XKR4: variants seen among roughly 807,000 people sequenced by gnomAD.
The protein encoded by XKR4 is XK related 4.
A neutral mutation model predicts 53.9 loss-of-function variants in XKR4; 12 were observed. The observed-to-expected ratio is 0.22, with a 90% CI of 0.14 to 0.36. XKR4 has a LOEUF of 0.36. XKR4 is among the 10% of genes least tolerant of loss of function. The probability of loss-of-function intolerance (pLI) is 1.00; values close to 1 mark genes in which losing one functional copy is unlikely to be tolerated. For synonymous variants in XKR4, 354 were observed against 362.4 expected, an observed-to-expected ratio of 0.98 and a Z score of 0.26; for missense variants, 799 against 859.5, an observed-to-expected ratio of 0.93 and a Z score of 0.88.
intron 1 of XKR4, among the ~76,000 whole-genome samples, chr8:55,205,905 C>T (rs147610882): frequency 0.011 from 1,729 of 152,270 alleles, 22 homozygotes; most frequent in Middle Eastern, 0.051. Context: ...TTTGTTCCTT[C>T]AGATGTTCAG....
At chr8:55,253,591 A>G (rs975068994) in intron 1 of XKR4, among the ~76,000 whole-genome samples, 86 of 152,346 alleles carry the variant, frequency 5.6e-4, no homozygotes, top group African/African-American at 1.9e-3. Flanking sequence ...TTAAGGATTT[A>G]TGATGAACTT....
At chr8:55,482,511 C>T (rs914383452) in intron 2 of XKR4, among the ~76,000 whole-genome samples, 1 of 151,858 alleles carries the variant, frequency 6.6e-6, no homozygotes, top group East Asian at 1.9e-4. Flanking sequence ...CAAACCTGCA[C>T]ATTGTGCACA....
rs369324943 is a variant in XKR4, at chr8:55,467,593, T to G, written c.1007-55688T>G. Among the ~76,000 whole-genome samples, 50 of 152,246 alleles carry G rather than the reference T, an allele frequency of 3.3e-4. 1 individual carries two copies. The highest frequency in any genetic ancestry group is 1.2e-3 in the African/African-American group (50 of 41,506). ...TTATGATTTAAATTGCCAGATTTTC[T>G]GAAGAACGTTTATACTCCACCGGTA... is the stretch of plus-strand genomic sequence containing the variant. On this transcript the variant is annotated intron_variant, in intron 2 of 2. Transcript: ENST00000327381.
At chr8:55,110,974 C>G (rs964311795) in intron 1 of XKR4, among the ~76,000 whole-genome samples, 4 of 152,004 alleles carry the variant, frequency 2.6e-5, no homozygotes, top group African/African-American at 9.7e-5. Flanking sequence ...AAAGGAAAAT[C>G]CCTGAGGTGG....
At chr8:55,470,554 T>C (rs1324255110) in intron 2 of XKR4, among the ~76,000 whole-genome samples, 1 of 152,162 alleles carries the variant, frequency 6.6e-6, no homozygotes, top group African/African-American at 2.4e-5. Flanking sequence ...TAAACCTCTT[T>C]CTTCTTACGT....
chr8:55,460,921 C>T (rs74186835), intron 2 of XKR4, among the ~76,000 whole-genome samples: 27 of 152,314 alleles, frequency 1.8e-4, no homozygotes, highest in Non-Finnish European at 2.9e-4. Flanking sequence ...AAGGTGGCAG[C>T]GAGGCTGGGG....
At chr8:55,228,593 A>G (rs2129366501) in intron 1 of XKR4, among the ~76,000 whole-genome samples, 1 of 152,330 alleles carries the variant, frequency 6.6e-6, no homozygotes, top group South Asian at 2.1e-4. Context: ...AAAAAAATCA[A>G]TGTAATGTTA....
chr8:55,153,129 A>T (rs1816861412), intron 1 of XKR4, among the ~76,000 whole-genome samples: 1 of 152,178 alleles, frequency 6.6e-6, no homozygotes. Flanking sequence ...TCCAGACTCA[A>T]GGTCCACACT....
chr8:55,438,207 A>G (rs1805206419), intron 2 of XKR4, among the ~76,000 whole-genome samples: 1 of 152,210 alleles, frequency 6.6e-6, no homozygotes, highest in Admixed American at 6.5e-5. Context: ...AGAGAAATGC[A>G]CTGAAATAGC....
At position 55,494,383 on chromosome 8, in the gene XKR4, C is replaced by G; in HGVS notation, c.1007-28898C>G. On this transcript the variant is annotated intron_variant, in intron 2 of 2. Coordinates refer to ENST00000327381, the MANE Select transcript of XKR4 (RefSeq NM_052898.2). ...AGAGCCACAGCTCTCCTCTTCTTTT[C>G]TTCACCCACAACATGGCAAGCAAGA... is the stretch of plus-strand genomic sequence containing the variant. Among the ~76,000 whole-genome samples, 2 of 152,252 alleles carry G rather than the reference C, an allele frequency of 1.3e-5. 1 individual carries two copies. Among genetic ancestry groups the G allele is most frequent in the Non-Finnish European group, 2.9e-5 (2 of 68,042 alleles).
chr8:55,491,625 G>GTTT (rs1554530562), intron 2 of XKR4, among the ~76,000 whole-genome samples: 6 of 149,776 alleles, frequency 4.0e-5, no homozygotes, highest in Non-Finnish European at 8.9e-5. Context: ...TGTCTTTGGG[G>GTTT]GTTTGTTTGT....
intron 2 of XKR4, among the ~76,000 whole-genome samples, chr8:55,369,402 GAGGGAAAGGAAGGGAAGGGAAAGGA>G (rs1804039382): frequency 2.3e-5 from 1 of 44,428 alleles, no homozygotes; most frequent in African/African-American, 1.0e-4. Context: ...GAGGGGAGGG[GAGGGAAAGGAAGGGAAGGGAAAGGA>G]AGGGAAGGGA....
intron 1 of XKR4, among the ~76,000 whole-genome samples, chr8:55,308,875 T>C (rs1819348940): frequency 6.6e-6 from 1 of 152,224 alleles, no homozygotes; most frequent in African/African-American, 2.4e-5. Context: ...GAATTAAGAT[T>C]GCTTATCAGC....
intron 1 of XKR4, among the ~76,000 whole-genome samples, chr8:55,271,914 A>G (rs534727718): frequency 3.3e-5 from 5 of 152,316 alleles, no homozygotes; most frequent in African/African-American, 1.2e-4. Flanking sequence ...TGCTTATTGT[A>G]TATAAAGGGA....
chr8:55,468,897 C>T (rs1805828216), intron 2 of XKR4, among the ~76,000 whole-genome samples: 2 of 152,122 alleles, frequency 1.3e-5, no homozygotes, highest in African/African-American at 4.8e-5. Flanking sequence ...TTTTCAGATT[C>T]TGACTATGCA....
At chr8:55,424,457 AG>A (rs1804982358) in intron 2 of XKR4, among the ~76,000 whole-genome samples, 1 of 152,262 alleles carries the variant, frequency 6.6e-6, no homozygotes. Flanking sequence ...GCAAGAAAAC[AG>A]AAGCACAGAG....
intron 2 of XKR4, among the ~76,000 whole-genome samples, chr8:55,463,716 G>A (rs538055146): frequency 2.6e-5 from 4 of 152,086 alleles, no homozygotes; most frequent in African/African-American, 9.7e-5. Context: ...CAACAAAATT[G>A]ATAGACCGCT....
intron 2 of XKR4, among the ~76,000 whole-genome samples, chr8:55,438,143 C>G (rs756784083): frequency 6.6e-6 from 1 of 151,418 alleles, no homozygotes; most frequent in Non-Finnish European, 1.5e-5. Flanking sequence ...GAACACATTA[C>G]CAGACAAAAA....
chr8:55,148,159 C>T (rs1037492825), intron 1 of XKR4, among the ~76,000 whole-genome samples: 1 of 152,218 alleles, frequency 6.6e-6, no homozygotes, highest in South Asian at 2.1e-4. Flanking sequence ...AAGATGGAAA[C>T]ATTTCACAAA....
Sources: allele counts gnomAD v4.1 joint callset (sites outside exome capture counted in the v4.1 genomes callset), GRCh38; gene constraint gnomAD v4.1.1; transcripts MANE v1.5; gene names NCBI Gene and HGNC (gene_info 2026-07-23, HGNC 2026-07-21).